Variants in RTL9 observed in about 807,000 individuals in gnomAD.
The protein encoded by RTL9 is retrotransposon Gag-like protein 9.
RTL9 carries 19 observed loss-of-function variants against 44.7 expected under a neutral mutation model. The ratio of observed to expected loss-of-function variants is 0.42; its 90% CI spans 0.30 to 0.62. RTL9 has a LOEUF of 0.62. Ranked by LOEUF, RTL9 falls within the 20% of genes least tolerant of loss-of-function variation. RTL9 has a pLI of 0.16. For missense variants in RTL9, 1,105 were observed against 1,080.6 expected, an observed-to-expected ratio of 1.02 and a Z score of -0.32; for synonymous variants, 407 against 398.9, an observed-to-expected ratio of 1.02 and a Z score of -0.24.
intron 1 of RTL9, among the ~76,000 whole-genome samples, chrX:110,454,955 TC>T (rs1312721245): frequency 9.0e-6 from 1 of 111,653 alleles, no homozygotes; most frequent in Admixed American, 9.5e-5. Flanking sequence ...GTTCCAATTC[TC>T]CCCTTGTTCC....
At chrX:110,453,902 G>A (rs780628755) in exon 1 of RTL9, 24 of 1,211,908 alleles carry the variant, frequency 2.0e-5, no homozygotes, top group Middle Eastern at 4.6e-4. Flanking sequence ...TGTCCACTCC[G>A]GAAATCAAAG....
chrX:110,451,967 G>T, exon 1 of RTL9: 2 of 1,211,958 alleles, frequency 1.7e-6, no homozygotes, highest in Non-Finnish European at 2.2e-6. Context: ...CTGGAGTGAT[G>T]TCCACAGAGC....
intron 1 of RTL9, among the ~76,000 whole-genome samples, chrX:110,437,372 A>G (rs895011688): frequency 2.7e-5 from 3 of 112,335 alleles, no homozygotes; most frequent in African/African-American, 9.7e-5. Context: ...CTGTACATGC[A>G]TCATCACATT....
intron 1 of RTL9, among the ~76,000 whole-genome samples, chrX:110,437,330 A>G (rs2068846036): frequency 8.9e-6 from 1 of 112,190 alleles, no homozygotes; most frequent in Admixed American, 9.4e-5. Flanking sequence ...ATTTTTATTA[A>G]GCATTTCCTT....
chrX:110,453,978 T>A (rs1186850013), exon 1 of RTL9: 1 of 1,209,983 alleles, frequency 8.3e-7, no homozygotes, highest in Non-Finnish European at 1.1e-6. Flanking sequence ...AAAGCCCACA[T>A]CGCACATGAC....
rs190425131 is a variant in RTL9 at position 110,428,463 on chromosome X, C to T, written c.-168+9328C>T. Reference sequence around the variant, plus strand: ...TCAGTAGCCATAACCATCTGCAGAACGAATAACTGAATCAATGATGACCTT... The same window carrying T: ...TCAGTAGCCATAACCATCTGCAGAATGAATAACTGAATCAATGATGACCTT... On this transcript the variant is annotated intron_variant, in intron 1 of 3. Transcript: ENST00000465301. Among the ~76,000 whole-genome samples the T allele has an allele frequency of 1.1e-4, 12 of 111,877 alleles. No individual in the cohort carries two copies. In the East Asian group the frequency reaches 3.1e-3, roughly 29 times the overall value.
chrX:110,454,084 A>T, exon 1 of RTL9: 1 of 1,212,029 alleles, frequency 8.3e-7, no homozygotes, highest in Non-Finnish European at 1.1e-6. Context: ...GAAGAGCAGG[A>T]AGCAGCCCGG....
At chrX:110,381,342 A>G (rs914024980) in intron 1 of RTL9, among the ~76,000 whole-genome samples, 6 of 112,071 alleles carry the variant, frequency 5.4e-5, no homozygotes, top group Non-Finnish European at 1.1e-4. Flanking sequence ...ATTACTAATC[A>G]TCAGAGAAAT....
intron 1 of RTL9, among the ~76,000 whole-genome samples, chrX:110,375,224 TTA>T: frequency 8.9e-6 from 1 of 111,824 alleles, no homozygotes; most frequent in Non-Finnish European, 1.9e-5. Context: ...TCAGGATTCT[TTA>T]GAGTTGAGTG....
At chrX:110,415,162 C>G (rs767895269), upstream of RTL9, among the ~76,000 whole-genome samples, 2 of 111,895 alleles carry the variant, frequency 1.8e-5, no homozygotes, top group Admixed American at 9.5e-5. Flanking sequence ...TCCCCAGGGC[C>G]GTAGCACCAG....
intron 1 of RTL9, among the ~76,000 whole-genome samples, chrX:110,376,009 G>A (rs1486100775): frequency 9.0e-6 from 1 of 111,318 alleles, no homozygotes; most frequent in African/African-American, 3.3e-5. Context: ...CTTCAAAGAA[G>A]GTAGTCACAT....
At chrX:110,409,064 C>G (rs1003172547) in intron 1 of RTL9, among the ~76,000 whole-genome samples, 3 of 111,502 alleles carry the variant, frequency 2.7e-5, no homozygotes, top group Non-Finnish European at 5.7e-5. Context: ...GTTTTGCTTC[C>G]GTTTGGCCTA....
At chrX:110,431,949 G>A (rs1279758095) in intron 1 of RTL9, among the ~76,000 whole-genome samples, 2 of 112,205 alleles carry the variant, frequency 1.8e-5, no homozygotes, top group African/African-American at 6.5e-5. Flanking sequence ...AAAAGCAGAG[G>A]AAAGGGCTCA....
chrX:110,453,904 A>G, exon 1 of RTL9: 1 of 1,212,133 alleles, frequency 8.2e-7, no homozygotes, highest in Non-Finnish European at 1.1e-6. Flanking sequence ...TCCACTCCGG[A>G]AATCAAAGCC....
At chrX:110,454,938 G>A (rs761794995) in intron 1 of RTL9, among the ~76,000 whole-genome samples, 3 of 111,563 alleles carry the variant, frequency 2.7e-5, no homozygotes, top group Non-Finnish European at 5.6e-5. Context: ...GGAACTGGAT[G>A]GGCTCAGTTC....
chrX:110,450,858 G>A (rs143850000), exon 1 of RTL9: 1 of 1,209,924 alleles, frequency 8.3e-7, no homozygotes, highest in South Asian at 1.8e-5. Flanking sequence ...TCTAATGGGA[G>A]TACCAAACTC....
intron 1 of RTL9, among the ~76,000 whole-genome samples, chrX:110,378,657 T>C (rs1311913449): frequency 8.9e-6 from 1 of 112,219 alleles, no homozygotes; most frequent in East Asian, 2.8e-4. Flanking sequence ...CCAGCATCAG[T>C]GTTTCTTTCA....
chrX:110,456,119 G>T (rs187821070), exon 2 of RTL9: 1 of 112,154 alleles, frequency 8.9e-6, no homozygotes, highest in African/African-American at 3.3e-5. Flanking sequence ...CTTGGCTGTT[G>T]TGCTTCATGG....
intron 1 of RTL9, among the ~76,000 whole-genome samples, chrX:110,406,117 T>A (rs1292899429): frequency 9.1e-6 from 1 of 110,226 alleles, no homozygotes; most frequent in Non-Finnish European, 1.9e-5. Context: ...GAAAGTGGTT[T>A]TTTTTTTTTC....
Sources: allele counts gnomAD v4.1 joint callset (sites outside exome capture counted in the v4.1 genomes callset), GRCh38; gene constraint gnomAD v4.1.1; transcripts MANE v1.5; gene names NCBI Gene and HGNC (gene_info 2026-07-23, HGNC 2026-07-21).